Variants in ZFHX3 observed in about 807,000 individuals in gnomAD.
ZFHX3 encodes zinc finger homeobox 3.
Under a neutral mutation model 279.1 loss-of-function variants are expected in ZFHX3, and 42 were observed. The observed-to-expected ratio is 0.15, with a 90% CI of 0.12 to 0.19. ZFHX3 has a LOEUF of 0.19. Ranked by LOEUF, ZFHX3 falls within the 10% of genes least tolerant of loss-of-function variation. The probability of loss-of-function intolerance (pLI) is 1.00; values close to 1 mark genes in which losing one functional copy is unlikely to be tolerated. For synonymous variants in ZFHX3, 2,293 were observed against 1,957.8 expected, an observed-to-expected ratio of 1.17 and a Z score of -4.52; for missense variants, 4,981 against 4,754.0, an observed-to-expected ratio of 1.05 and a Z score of -1.40.
chr16:73,411,437 T>C (rs1429048585), intron 3 of ZFHX3, among the ~76,000 whole-genome samples: 1 of 152,228 alleles, frequency 6.6e-6, no homozygotes, highest in Non-Finnish European at 1.5e-5. Flanking sequence ...AATACCTTTC[T>C]GAAATTTTAA....
intron 1 of ZFHX3, among the ~76,000 whole-genome samples, chr16:72,970,210 A>ATT (rs112563090): frequency 6.9e-6 from 1 of 145,704 alleles, no homozygotes; most frequent in Non-Finnish European, 1.5e-5. Flanking sequence ...ATTAAAAAAG[A>ATT]TTTTTTTTTT....
At position 72,794,296 on chromosome 16, in the gene ZFHX3, G is replaced by A. The variant is rs2143397534; in HGVS notation, c.8386C>T (p.Pro2796Ser). 6.2e-7 allele frequency: 1 copy of A among 1,611,718 alleles called. No individual in the cohort carries two copies. ...SPVSKTMELS[P>S]RTLLSPSSIK... ...GAGGAAGGGCTTAGAAGAGTTCTGGGTGACAATTCCATGGTTTTACTCACA... is the reference window on the plus strand; with the variant it reads ...GAGGAAGGGCTTAGAAGAGTTCTGGATGACAATTCCATGGTTTTACTCACA... The change falls in exon 9 of 10, where the codon CCC becomes TCC. Residue 2796 changes from proline to serine, a missense_variant. Pro to Ser is a moderately conservative substitution (Grantham distance 74, BLOSUM62 -1). Transcript: ENST00000268489. The surrounding 1 kb of genome is among the most constrained non-coding windows in gnomAD (Gnocchi z 4.2).
At chr16:73,665,454 T>A (rs1323874038) in intron 2 of ZFHX3, among the ~76,000 whole-genome samples, 1 of 151,786 alleles carries the variant, frequency 6.6e-6, no homozygotes, top group Non-Finnish European at 1.5e-5. Context: ...CCTCAAGTGA[T>A]ACACCCACCT....
At chr16:73,217,786 G>A (rs1453774212) in intron 5 of ZFHX3, among the ~76,000 whole-genome samples, 1 of 151,936 alleles carries the variant, frequency 6.6e-6, no homozygotes, top group Non-Finnish European at 1.5e-5. Context: ...CACAAAAGAA[G>A]CCTCCCTGTT....
At chr16:72,995,943 C>A (rs1008233770) in intron 1 of ZFHX3, among the ~76,000 whole-genome samples, 1 of 152,188 alleles carries the variant, frequency 6.6e-6, no homozygotes, top group Non-Finnish European at 1.5e-5. Context: ...GAGGCACTGT[C>A]CTATCTTGGT....
At position 73,673,856 on chromosome 16, in the gene ZFHX3, C is replaced by T. The variant is rs1039608911; in HGVS notation, c.-1547+6324G>A. ...ATGAAAACTAGGAATTGATCTAGAA[C>T]GTATGCACATCAATACACCCTCCAG... On this transcript the variant is annotated intron_variant, in intron 2 of 17. Transcript: ENST00000641206. Among the ~76,000 whole-genome samples, 8 of 152,176 alleles carry T rather than the reference C, an allele frequency of 5.3e-5. No individual in the cohort carries two copies. The East Asian group carries it at 7.7e-4, about 15-fold the overall frequency.
rs573976086 is a variant in ZFHX3, at chr16:72,861,240, G to A, written c.3448+28491C>T. 1.2e-3 allele frequency among the ~76,000 whole-genome samples: 182 copies of A among 152,236 alleles called. 1 individual carries two copies. Among genetic ancestry groups the A allele is most frequent in the African/African-American group, 4.1e-3 (171 of 41,520 alleles). On this transcript the variant is annotated intron_variant, in intron 4 of 9. Coordinates refer to ENST00000268489, the MANE Select transcript of ZFHX3 (RefSeq NM_006885.4). ...TGTCCTCGTTTTGCATATTTAAATC[G>A]CTATATCAAGAATATTAACAAAGAT...
chr16:73,408,964 C>T (rs970839996), intron 3 of ZFHX3, among the ~76,000 whole-genome samples: 1 of 152,144 alleles, frequency 6.6e-6, no homozygotes, highest in African/African-American at 2.4e-5. Flanking sequence ...GCTCTCTCCC[C>T]ATTCATTTCA....
At chr16:73,046,529 T>C (rs1471309262) in intron 1 of ZFHX3, among the ~76,000 whole-genome samples, 2 of 152,044 alleles carry the variant, frequency 1.3e-5, no homozygotes, top group Admixed American at 6.6e-5. Flanking sequence ...ACCACAGCCA[T>C]TAACTGAACG....
chr16:73,464,636 T>C (rs1567492061), intron 2 of ZFHX3, among the ~76,000 whole-genome samples: 1 of 151,992 alleles, frequency 6.6e-6, no homozygotes, highest in Non-Finnish European at 1.5e-5. Context: ...AGCATGTGTT[T>C]CTTTTAGAGG....
At chr16:72,989,465 G>C (rs1962988619) in intron 1 of ZFHX3, among the ~76,000 whole-genome samples, 2 of 149,208 alleles carry the variant, frequency 1.3e-5, no homozygotes, top group Non-Finnish European at 3.0e-5. Flanking sequence ...CTGGGCGACA[G>C]ACACTCTGTC....
At chr16:73,851,516 G>A (rs1961593478) in intron 1 of ZFHX3, among the ~76,000 whole-genome samples, 1 of 152,156 alleles carries the variant, frequency 6.6e-6, no homozygotes, top group Non-Finnish European at 1.5e-5. Flanking sequence ...TTTGCTAAAT[G>A]GATAAAATAA....
intron 2 of ZFHX3, among the ~76,000 whole-genome samples, chr16:73,654,275 G>T (rs1219677733): frequency 1.3e-5 from 2 of 151,740 alleles, no homozygotes; most frequent in Non-Finnish European, 2.9e-5. Context: ...AACAAAATTG[G>T]CTAGATACTT....
intron 2 of ZFHX3, among the ~76,000 whole-genome samples, chr16:73,628,874 C>T (rs1288081213): frequency 2.0e-5 from 3 of 152,140 alleles, no homozygotes; most frequent in Non-Finnish European, 4.4e-5. Context: ...TGATATCCAA[C>T]CACTGACTCC....
At chr16:73,066,350 C>T (rs1247758722) in intron 8 of ZFHX3, among the ~76,000 whole-genome samples, 1 of 152,210 alleles carries the variant, frequency 6.6e-6, no homozygotes, top group Non-Finnish European at 1.5e-5. Flanking sequence ...CGACAGTTGC[C>T]CCGAGATGCT....
At chr16:72,961,842 C>A (rs1462485333) in intron 1 of ZFHX3, among the ~76,000 whole-genome samples, 1 of 152,124 alleles carries the variant, frequency 6.6e-6, no homozygotes, top group Non-Finnish European at 1.5e-5. Flanking sequence ...GTTCCATGAG[C>A]CTTAGAAAGG....
At chr16:73,156,482 A>G (rs1238527204) in intron 5 of ZFHX3, among the ~76,000 whole-genome samples, 3 of 152,218 alleles carry the variant, frequency 2.0e-5, no homozygotes, top group African/African-American at 7.2e-5. Context: ...TCAAGAAGAC[A>G]TCTCCCAAAC....
chr16:72,944,056 T>C (rs1260343250), intron 3 of ZFHX3, among the ~76,000 whole-genome samples: 1 of 152,124 alleles, frequency 6.6e-6, no homozygotes, highest in African/African-American at 2.4e-5. Flanking sequence ...CCGAGGTGGG[T>C]GGATCGTGCT....
At chr16:73,128,519 G>A (rs1057171154) in intron 7 of ZFHX3, among the ~76,000 whole-genome samples, 5 of 152,116 alleles carry the variant, frequency 3.3e-5, no homozygotes, top group Admixed American at 3.3e-4. Flanking sequence ...CAACTCCAGA[G>A]CACTTTTTCT....
Sources: gnomAD v4.1 joint callset for allele counts (sites outside exome capture counted in the v4.1 genomes callset) on GRCh38, gnomAD v4.1.1 for gene constraint, Gnocchi (gnomAD v3.1) non-coding constraint, MANE v1.5 for transcripts, NCBI Gene and HGNC (gene_info 2026-07-23, HGNC 2026-07-21) for gene names.